Variants in WDSUB1 observed in about 807,000 individuals in gnomAD.
WDSUB1 encodes WD repeat, sterile alpha motif and U-box domain containing 1.
Under a neutral mutation model 53.9 loss-of-function variants are expected in WDSUB1, and 49 were observed. The ratio of observed to expected loss-of-function variants is 0.91; its 90% CI spans 0.72 to 1.15. The LOEUF (loss-of-function observed/expected upper bound fraction) is 1.15, where lower values mean the gene tolerates loss of function less well. WDSUB1 is among the 50% of genes most tolerant of loss of function. The pLI, the probability that WDSUB1 is intolerant of heterozygous loss-of-function variation, is 0.00. For missense variants in WDSUB1, 514 were observed against 562.0 expected (o/e 0.91, Z 0.86); for synonymous variants, 194 against 200.6 (o/e 0.97, Z 0.28).
chr2:159,275,637 A>G lies in WDSUB1; in HGVS notation c.585T>C (p.Asp195=). The change falls in exon 4 of 11, where the codon GAT becomes GAC. Residue 195 remains aspartate (D), a splice_region_variant and synonymous_variant. Coordinates refer to ENST00000359774, the MANE Select transcript of WDSUB1 (RefSeq NM_001128212.3). ...CCDFSSQPVS[D]GEQGLQFFRL... ...GAAAAAACTGAAGACCTTGTTCTCC[A>G]TCTAAAATTTATTAAAAATAAATAC... 1 of 1,589,194 alleles carries G rather than the reference A, an allele frequency of 6.3e-7. No homozygotes were observed. Among genetic ancestry groups the G allele is most frequent in the Non-Finnish European group, 8.5e-7 (1 of 1,173,482 alleles).
At chr2:159,251,597 G>A (rs1268548816) in intron 9 of WDSUB1, among the ~76,000 whole-genome samples, 1 of 152,160 alleles carries the variant, frequency 6.6e-6, no homozygotes, top group Non-Finnish European at 1.5e-5. Context: ...CTTAATTGCT[G>A]AGAAAGAAAG....
chr2:159,240,472 C>T (rs2060615272), intron 10 of WDSUB1, among the ~76,000 whole-genome samples: 1 of 152,190 alleles, frequency 6.6e-6, no homozygotes, highest in Non-Finnish European at 1.5e-5. Context: ...TCTGCACATC[C>T]TTGCCAACAC....
At chr2:159,268,288 C>T (rs1300974742) in intron 5 of WDSUB1, among the ~76,000 whole-genome samples, 1 of 152,186 alleles carries the variant, frequency 6.6e-6, no homozygotes, top group Non-Finnish European at 1.5e-5. Flanking sequence ...TTCCAACTGG[C>T]AGAGAGCTGG....
intron 9 of WDSUB1, among the ~76,000 whole-genome samples, chr2:159,250,504 A>G (rs1300173390): frequency 6.6e-6 from 1 of 152,218 alleles, no homozygotes; most frequent in African/African-American, 2.4e-5. Flanking sequence ...AAAATGCAGC[A>G]CAGTGTTAGC....
intron 1 of WDSUB1, among the ~76,000 whole-genome samples, chr2:159,284,888 C>G (rs539954763): frequency 3.0e-4 from 45 of 152,320 alleles, no homozygotes; most frequent in African/African-American, 1.0e-3. Flanking sequence ...AAGCGGTTTT[C>G]TCAAGCTGAA....
chr2:159,256,472 C>A, intron 8 of WDSUB1, 97 bp from the exon 9 acceptor site: 1 of 1,339,612 alleles, frequency 7.5e-7, no homozygotes, highest in Non-Finnish European at 1.0e-6. Flanking sequence ...TTCCTTAAAT[C>A]TGTGTTTTAT....
intron 10 of WDSUB1, among the ~76,000 whole-genome samples, chr2:159,240,754 G>A (rs1449817230): frequency 6.6e-6 from 1 of 152,068 alleles, no homozygotes. Context: ...AACTGACCTG[G>A]GATTTAAACC....
intron 5 of WDSUB1, among the ~76,000 whole-genome samples, chr2:159,261,873 TA>T (rs2061210045): frequency 6.5e-5 from 1 of 15,474 alleles, no homozygotes; most frequent in Non-Finnish European, 1.1e-4. Context: ...TATATATATA[TA>T]TATATATATA....
At chr2:159,267,069 G>A (rs564104411) in intron 5 of WDSUB1, among the ~76,000 whole-genome samples, 35 of 151,570 alleles carry the variant, frequency 2.3e-4, no homozygotes, top group African/African-American at 7.5e-4. Flanking sequence ...CACCATGCCC[G>A]GTCCATCCTA....
At chr2:159,278,266 G>A (rs1381281842) in intron 3 of WDSUB1, among the ~76,000 whole-genome samples, 1 of 152,076 alleles carries the variant, frequency 6.6e-6, no homozygotes, top group African/African-American at 2.4e-5. Context: ...AAGAATAACT[G>A]CCTTAATTAA....
intron 5 of WDSUB1, among the ~76,000 whole-genome samples, chr2:159,267,533 G>A (rs2061368662): frequency 6.6e-6 from 1 of 151,896 alleles, no homozygotes; most frequent in African/African-American, 2.4e-5. Flanking sequence ...TCAAACTCCT[G>A]GCCTCAAGTG....
intron 1 of WDSUB1, among the ~76,000 whole-genome samples, chr2:159,286,190 A>C (rs114437619): frequency 0.016 from 2,495 of 152,184 alleles, 62 homozygotes; most frequent in African/African-American, 0.057. Context: ...CATGAATCCC[A>C]TCTCATTCAA....
rs144493205 is a variant in WDSUB1, at chr2:159,236,082, C to G, written c.1382G>C (p.Arg461Thr). The change falls in exon 11 of 11, where the codon AGG becomes ACG. Residue 461 changes from arginine to threonine, a missense_variant. By Grantham distance (71) the Arg-to-Thr change is moderately conservative (BLOSUM62 -1). Transcript: ENST00000359774. ...TCTATTGATGGCCATTTTCAGAGTC[C>G]TATTTGGTGTAAGTACCGCTGAAGG... is the stretch of plus-strand genomic sequence containing the variant. ...VLPSAVLTPN[R>T]TLKMAINRWL... The G allele has an allele frequency of 1.2e-6, 2 of 1,613,232 alleles. No individual in the cohort carries two copies. Among genetic ancestry groups the G allele is most frequent in the Non-Finnish European group, 1.7e-6 (2 of 1,179,746 alleles).
intron 10 of WDSUB1, among the ~76,000 whole-genome samples, chr2:159,245,337 G>A (rs1020619625): frequency 6.6e-6 from 1 of 152,034 alleles, no homozygotes; most frequent in African/African-American, 2.4e-5. Context: ...AGACCAGCCT[G>A]ACCAACGTGG....
At chr2:159,262,324 A>G (rs1440550140) in intron 5 of WDSUB1, among the ~76,000 whole-genome samples, 1 of 152,134 alleles carries the variant, frequency 6.6e-6, no homozygotes, top group African/African-American at 2.4e-5. Context: ...GGCAAGCAGT[A>G]AGGCTGAAAA....
In WDSUB1 at chr2:159,235,881, T is replaced by G; in HGVS notation, c.*152A>C. On this transcript the variant is annotated 3_prime_UTR_variant, in exon 11 of 11. Transcript: ENST00000359774. ...CTTTTATAGTAAGTCCATGTGTTTTTTAAAGAATGAAAATTGACAATTTTT... is the reference window on the plus strand; with the variant it reads ...CTTTTATAGTAAGTCCATGTGTTTTGTAAAGAATGAAAATTGACAATTTTT... The G allele has an allele frequency of 2.7e-6, 2 of 727,546 alleles. No homozygotes were observed. Among genetic ancestry groups the G allele is most frequent in the Non-Finnish European group, 2.0e-6 (1 of 498,928 alleles). The allele number at this position is 727,546 out of a possible 1,614,324, so 45.1% of individuals were successfully genotyped here.
intron 10 of WDSUB1, among the ~76,000 whole-genome samples, chr2:159,238,124 T>C (rs1195114037): frequency 6.6e-6 from 1 of 152,226 alleles, no homozygotes; most frequent in Non-Finnish European, 1.5e-5. Context: ...GTTCATATGT[T>C]TGAGCCATTT....
At chr2:159,269,744 T>G (rs1332532962) in intron 5 of WDSUB1, among the ~76,000 whole-genome samples, 1 of 152,108 alleles carries the variant, frequency 6.6e-6, no homozygotes, top group East Asian at 1.9e-4. Context: ...TTCACTCCAC[T>G]AACAGAGTAA....
chr2:159,265,496 C>T (rs2061325356), intron 5 of WDSUB1, among the ~76,000 whole-genome samples: 1 of 152,064 alleles, frequency 6.6e-6, no homozygotes. Context: ...CTTTGGGAGG[C>T]CAAGGTGGGA....
Sources: allele counts gnomAD v4.1 joint callset (sites outside exome capture counted in the v4.1 genomes callset), GRCh38; gene constraint gnomAD v4.1.1; transcripts MANE v1.5; gene names NCBI Gene and HGNC (gene_info 2026-07-23, HGNC 2026-07-21).